The following NBEAL2 variants were observed in gnomAD, a reference collection of about 807,000 sequenced individuals.
NBEAL2 encodes neurobeachin-like protein 2.
A neutral mutation model predicts 299.8 loss-of-function variants in NBEAL2; 160 were observed. That is an observed-to-expected ratio of 0.53 (90% CI 0.47 to 0.61). NBEAL2 has a LOEUF of 0.61. NBEAL2 is among the 20% of genes least tolerant of loss of function. The pLI is 0.00. For missense variants in NBEAL2, 3,112 were observed against 3,649.0 expected, an observed-to-expected ratio of 0.85 and a Z score of 3.79; for synonymous variants, 1,493 against 1,542.3, an observed-to-expected ratio of 0.97 and a Z score of 0.75.
chr3:46,993,794 G>A lies in NBEAL2; in HGVS notation c.1114-143G>A, dbSNP rs139017111. The A allele has an allele frequency of 7.6e-4, 541 of 714,210 alleles. 1 individual carries two copies. The African/African-American group carries it at 8.6e-3, about 11-fold the overall frequency. 44.2% of individuals were successfully genotyped at this position (714,210 alleles called of 1,614,324 possible). On this transcript the variant is annotated intron_variant, in intron 10 of 53. Coordinates refer to ENST00000450053, the MANE Select transcript of NBEAL2 (RefSeq NM_015175.3). Reference sequence around the variant, plus strand: ...ACAGCAGTTGGGGCAAGGAGTAGAAGGCCTGGTGCTCTGACAGAGTTGCTG... The same window carrying A: ...ACAGCAGTTGGGGCAAGGAGTAGAAAGCCTGGTGCTCTGACAGAGTTGCTG...
chr3:46,996,709 C>T (rs377301304), intron 16 of NBEAL2, 42 bp from the exon 17 acceptor site: 39 of 1,594,512 alleles, frequency 2.4e-5, no homozygotes, highest in Middle Eastern at 1.7e-4. Context: ...GGGGTTTGGC[C>T]AGAGGCCTAG....
At position 46,996,426 on chromosome 3, in the gene NBEAL2, G is replaced by T. The variant is rs772692347; in HGVS notation, c.2307G>T (p.Gly769=). The change falls in exon 16 of 54, where the codon GGG becomes GGT. Residue 769 remains glycine, a synonymous_variant. Coordinates refer to ENST00000450053, the MANE Select transcript of NBEAL2 (RefSeq NM_015175.3). ...CAGCCTCCACAGGGCTTGGCTGGGG[G>T]TCCGGGCTGGTGGCCCCCCTGCAGG... The part of the protein sequence containing the change: ...SVPASTGLGW[G]SGLVAPLQEG... 6.2e-7 allele frequency: 1 copy of T among 1,609,676 alleles called. No homozygotes were observed. The highest frequency in any genetic ancestry group is 1.3e-5 in the African/African-American group (1 of 74,984).
rs888699286 is a variant in NBEAL2, at chr3:46,996,378, C to T, written c.2259C>T (p.Ala753=). 2.5e-6 allele frequency: 4 copies of T among 1,612,436 alleles called. No homozygotes were observed. The highest frequency in any genetic ancestry group is 1.7e-4 in the Middle Eastern group (1 of 6,054). The change falls in exon 16 of 54, where the codon GCC becomes GCT. Residue 753 remains alanine (A), a synonymous_variant. Transcript: ENST00000450053. ...CCACCCTGGCCTACACTCACCCCGC[C>T]CTCACCCGCTCCCAGTCAGTCCCAG... The part of the protein sequence containing the change: ...VPATLAYTHP[A]LTRSQSVPAS...
In NBEAL2 at chr3:47,002,483, G is replaced by A. The variant is rs775767147; in HGVS notation, c.5264G>A (p.Arg1755His). 2.6e-5 allele frequency: 42 copies of A among 1,613,022 alleles called. No individual in the cohort carries two copies. Among genetic ancestry groups the A allele is most frequent in the Non-Finnish European group, 3.2e-5 (38 of 1,179,882 alleles). Residue 1755 changes from arginine to histidine, a missense_variant, in exon 32 of 54, where the codon CGC (arginine) becomes CAC (histidine). Arg to His is a conservative substitution (Grantham distance 29). Around this residue, in one of 3 missense-constraint regions of NBEAL2, gnomAD observed 2,243 missense variants for 2,538.1 expected, o/e 0.88. Transcript: ENST00000450053. ...YDMLMSSGQRRQWERAQSRRA... is the reference protein window; with the variant it reads ...YDMLMSSGQRHQWERAQSRRA... The stretch of plus-strand genomic sequence containing the variant: ...ATGCTTATGAGCAGTGGGCAGCGGC[G>A]CCAGTGGGAGCGCGCCCAGAGTCGT...
intron 1 of NBEAL2, among the ~76,000 whole-genome samples, chr3:46,983,388 C>T (rs1413238916): frequency 6.7e-6 from 1 of 150,202 alleles, no homozygotes; most frequent in Non-Finnish European, 1.5e-5. Context: ...CAGTTCACTG[C>T]AACCTCTGCC....
Position 47,006,404 on chromosome 3 carries a change from T to G in NBEAL2, c.7089T>G (p.Pro2363=). 1.3e-6 allele frequency: 2 copies of G among 1,595,004 alleles called. No homozygotes were observed. Among genetic ancestry groups the G allele is most frequent in the Non-Finnish European group, 1.7e-6 (2 of 1,170,752 alleles). ...TTGCACGCCTGGACACTAACTCACC[T>G]AGCATCTTCCAGCACCTGGACGAAC... is the stretch of plus-strand genomic sequence containing the variant. ...HRLARLDTNS[P]SIFQHLDELK... is the part of the protein sequence containing the mutation. Residue 2363 remains proline (P), a synonymous_variant, in exon 45 of 54, where the codon CCT becomes CCG. Coordinates refer to ENST00000450053, the MANE Select transcript of NBEAL2 (RefSeq NM_015175.3).
In NBEAL2 at chr3:46,991,364, G is replaced by A; in HGVS notation, c.643-42G>A. 6.3e-7 allele frequency: 1 copy of A among 1,584,594 alleles called. No individual in the cohort carries two copies. ...AGCTCTTTCAGTATCTCTCTGCTGG[G>A]TGAGCCCCTTGCCCACTGCCCATCT... On this transcript the variant is annotated intron_variant, in intron 7 of 53. Coordinates refer to ENST00000450053, the MANE Select transcript of NBEAL2 (RefSeq NM_015175.3). This position sits in a 1 kb window ranked among gnomAD's most constrained non-coding sequence, Gnocchi z 6.2.
At position 47,003,774 on chromosome 3, in the gene NBEAL2, G is replaced by C; in HGVS notation, c.5721-42G>C. The stretch of plus-strand genomic sequence containing the variant: ...TGCCCTTTGGGCTTGTGAAGAAGGG[G>C]GTCCCAGAGCCTACAGCGTGAGGTG... On this transcript the variant is annotated intron_variant, in intron 35 of 53. Transcript: ENST00000450053. The surrounding 1 kb of genome is among the most constrained non-coding windows in gnomAD (Gnocchi z 7.0). 1.3e-6 allele frequency: 2 copies of C among 1,534,352 alleles called. No individual in the cohort carries two copies. The highest frequency in any genetic ancestry group is 2.7e-5 in the African/African-American group (2 of 73,230).
Position 47,005,552 on chromosome 3 carries a change from C to A in NBEAL2, c.6624C>A (p.Ser2208Arg). 1 of 1,612,260 alleles carries A rather than the reference C, an allele frequency of 6.2e-7. No individual in the cohort carries two copies. The highest frequency in any genetic ancestry group is 1.6e-4 in the Middle Eastern group (1 of 6,062). ...CAGCCTGGCAGGCACGCCTGGAGAG[C>A]CCTGCCGATGTGAAGGAGCTCATCC... ...VAAAWQARLE[S>R]PADVKELIPE... The change falls in exon 41 of 54, where the codon AGC (serine) becomes AGA (arginine). Residue 2208 changes from serine to arginine, a missense_variant. Physicochemically the swap from Ser to Arg is moderately radical, Grantham distance 110 (BLOSUM62 -1). Coordinates refer to ENST00000450053, the MANE Select transcript of NBEAL2 (RefSeq NM_015175.3).
Position 47,007,452 on chromosome 3 carries a change from G to T in NBEAL2, c.7335-73G>T, listed in dbSNP as rs552052628. ...TAGGCCAGCTGCAGGGGAAAGGTCTGGCCAGGCTCCCTGAGGGCCTGGGTC... is the reference window on the plus strand; with the variant it reads ...TAGGCCAGCTGCAGGGGAAAGGTCTTGCCAGGCTCCCTGAGGGCCTGGGTC... On this transcript the variant is annotated intron_variant, in intron 47 of 53. Coordinates refer to ENST00000450053, the MANE Select transcript of NBEAL2 (RefSeq NM_015175.3). The T allele has an allele frequency of 2.4e-5, 38 of 1,561,474 alleles. No individual in the cohort carries two copies. In the South Asian group the frequency reaches 4.2e-4, roughly 17 times the overall value.
rs1377200246 is a variant in NBEAL2 at position 47,009,388 on chromosome 3, T to C, written c.*68T>C. 3 of 1,471,160 alleles carry C rather than the reference T, an allele frequency of 2.0e-6. No individual in the cohort carries two copies. Among genetic ancestry groups the C allele is most frequent in the Non-Finnish European group, 2.8e-6 (3 of 1,084,252 alleles). The allele number at this position is 1,471,160 out of a possible 1,614,324, so 91.1% of individuals were successfully genotyped here. ...TGGCCCGGGAGGCCCCGCCCAGAAG[T>C]CGGCGGGAACACCCCGGGGTGGGCA... On this transcript the variant is annotated 3_prime_UTR_variant, in exon 54 of 54. Coordinates refer to ENST00000450053, the MANE Select transcript of NBEAL2 (RefSeq NM_015175.3).
In NBEAL2 at chr3:47,005,047, A is replaced by G; in HGVS notation, c.6370A>G (p.Lys2124Glu). The change falls in exon 39 of 54, where the codon AAG becomes GAG. Residue 2124 changes from lysine to glutamate, a missense_variant. Physicochemically the swap from Lys to Glu is moderately conservative, Grantham distance 56. This residue lies in a region of NBEAL2 where 521 missense variants were observed against 729.6 expected (regional missense o/e 0.71). Coordinates refer to ENST00000450053, the MANE Select transcript of NBEAL2 (RefSeq NM_015175.3). ...CCCAGCCGTCTTCCGGGACCTGTCT[A>G]AGCCCATCGGTGTGGTGAACCCCAA... ...SNPAVFRDLS[K>E]PIGVVNPKHA... 1 of 1,613,596 alleles carries G rather than the reference A, an allele frequency of 6.2e-7. No individual in the cohort carries two copies. The highest frequency in any genetic ancestry group is 8.5e-7 in the Non-Finnish European group (1 of 1,179,772).
rs1388650479 is a variant in NBEAL2 at position 47,001,865 on chromosome 3, G to A, written c.4782+39G>A. 3.1e-6 allele frequency: 5 copies of A among 1,610,044 alleles called. No individual in the cohort carries two copies. In the Admixed American group the frequency reaches 8.3e-5, roughly 27 times the overall value. ...GAGCATGGGGGCAGGGGGCGTGTGA[G>A]ATGTCGGGAGCTCCAAGAGTGGCTG... On this transcript the variant is annotated intron_variant, in intron 30 of 53. Coordinates refer to ENST00000450053, the MANE Select transcript of NBEAL2 (RefSeq NM_015175.3). This position sits in a 1 kb window ranked among gnomAD's most constrained non-coding sequence, Gnocchi z 6.1.
Position 47,004,020 on chromosome 3 carries a change from T to C in NBEAL2, c.5881+44T>C, listed in dbSNP as rs747621172. On this transcript the variant is annotated intron_variant, in intron 36 of 53. Transcript: ENST00000450053. The surrounding 1 kb of genome is among the most constrained non-coding windows in gnomAD (Gnocchi z 5.0). ...GTTTAGGAGGATGGCAGGGAATGGC[T>C]GAGCTCTGGGTGGGGCTGGGGTGAG... 1.2e-5 allele frequency: 19 copies of C among 1,606,848 alleles called. No homozygotes were observed. In the Admixed American group the frequency reaches 3.0e-4, roughly 25 times the overall value.
Position 47,008,673 on chromosome 3 carries a change from G to T in NBEAL2, c.8027+5G>T. On this transcript the variant is annotated splice_donor_5th_base_variant and intron_variant, in intron 52 of 53. Transcript: ENST00000450053. The stretch of plus-strand genomic sequence containing the variant: ...GCACATCCTCCAACTAAACACGTAA[G>T]CCCCCCATTTATGGGTTCATGGCCC... The T allele has an allele frequency of 6.2e-7, 1 of 1,613,072 alleles. No homozygotes were observed. Among genetic ancestry groups the T allele is most frequent in the African/African-American group, 1.3e-5 (1 of 75,058 alleles).
At position 47,009,423 on chromosome 3, in the gene NBEAL2, G is replaced by T. The variant is rs993808662; in HGVS notation, c.*103G>T. Reference sequence around the variant, plus strand: ...CACCCCGGGGTGGGCAGCCCAGGGGGGTGAGCGGGGCCCACCCTGCCCAGC... The same window carrying T: ...CACCCCGGGGTGGGCAGCCCAGGGGTGTGAGCGGGGCCCACCCTGCCCAGC... On this transcript the variant is annotated 3_prime_UTR_variant, in exon 54 of 54. Coordinates refer to ENST00000450053, the MANE Select transcript of NBEAL2 (RefSeq NM_015175.3). The T allele has an allele frequency of 1.4e-5, 15 of 1,048,906 alleles. No individual in the cohort carries two copies. The highest frequency in any genetic ancestry group is 2.1e-5 in the Non-Finnish European group (15 of 716,066). The allele number at this position is 1,048,906 out of a possible 1,614,324, so 65.0% of individuals were successfully genotyped here.
Position 46,995,335 on chromosome 3 carries a change from C to T in NBEAL2, c.1600C>T (p.Arg534Cys), listed in dbSNP as rs202209383. The change falls in exon 13 of 54, where the codon CGT becomes TGT. Residue 534 changes from arginine (R) to cysteine (C), a missense_variant. This residue lies in a region of NBEAL2 where 2,243 missense variants were observed against 2,538.1 expected (regional missense o/e 0.88). Transcript: ENST00000450053. ...GRVSIRPMEL[R>C]HLLRPRPGLD... is the part of the protein sequence containing the mutation. ...TGTATCAATAAGGCCCATGGAGCTG[C>T]GTCACCTGCTGCGCCCCCGGCCAGG... is the stretch of plus-strand genomic sequence containing the variant. 1.8e-4 allele frequency: 289 copies of T among 1,604,648 alleles called. 1 individual carries two copies. In the African/African-American group the frequency reaches 3.4e-3, roughly 19 times the overall value.
rs1452705361 is a variant in NBEAL2, at chr3:46,995,362, T to C, written c.1627T>C (p.Leu543=). 4 of 1,611,940 alleles carry C rather than the reference T, an allele frequency of 2.5e-6. No individual in the cohort carries two copies. In the South Asian group the frequency reaches 3.3e-5, roughly 13 times the overall value. The change falls in exon 13 of 54, where the codon TTG becomes CTG. Residue 543 remains leucine, a synonymous_variant. Coordinates refer to ENST00000450053, the MANE Select transcript of NBEAL2 (RefSeq NM_015175.3). ...TCACCTGCTGCGCCCCCGGCCAGGA[T>C]TGGACTCGGAACCAGGCGGAGCTGA... ...LRHLLRPRPG[L]DSEPGGAEAG... is the part of the protein sequence containing the mutation.
chr3:46,999,336 A>G lies in NBEAL2; in HGVS notation c.3565A>G (p.Asn1189Asp). 1 of 1,611,386 alleles carries G rather than the reference A, an allele frequency of 6.2e-7. No homozygotes were observed. The highest frequency in any genetic ancestry group is 8.5e-7 in the Non-Finnish European group (1 of 1,179,124). Residue 1189 changes from asparagine (N) to aspartate (D), a missense_variant, in exon 25 of 54, where the codon AAT becomes GAT. By Grantham distance (23) the Asn-to-Asp change is conservative (BLOSUM62 1). Transcript: ENST00000450053. The part of the protein sequence containing the change: ...VCKILRRLQQ[N>D]ERLPERSRQR... The stretch of plus-strand genomic sequence containing the variant: ...ACAGATCCTGCGCAGACTGCAGCAG[A>G]ATGAGCGGCTACCTGAGCGGAGCCG...
Sources: allele counts gnomAD v4.1 joint callset (sites outside exome capture counted in the v4.1 genomes callset), GRCh38; gene constraint gnomAD v4.1.1; regional missense constraint gnomAD v4.1.1; non-coding constraint Gnocchi (gnomAD v3.1); transcripts MANE v1.5; gene names NCBI Gene and HGNC (gene_info 2026-07-23, HGNC 2026-07-21).